CACNA2D4: variants seen among roughly 807,000 people sequenced by gnomAD.
CACNA2D4 encodes calcium voltage-gated channel auxiliary subunit alpha2delta 4, also known as voltage-dependent calcium channel subunit alpha-2/delta-4.
In CACNA2D4, 157 loss-of-function variants were observed where a neutral mutation model predicts 163.8. That is an observed-to-expected ratio of 0.96 (90% confidence interval 0.84 to 1.09). The LOEUF (loss-of-function observed/expected upper bound fraction) is 1.09. CACNA2D4 is among the 50% of genes least tolerant of loss of function. The probability of loss-of-function intolerance (pLI) is 0.00; values close to 1 mark genes in which losing one functional copy is unlikely to be tolerated. For missense variants in CACNA2D4, 1,410 were observed against 1,479.9 expected (o/e 0.95, Z 0.78); for synonymous variants, 598 against 586.9 (o/e 1.02, Z -0.27).
rs778134365 is a variant in CACNA2D4, at chr12:1,874,723, G to A, written c.1807-48C>T. 7.3e-7 allele frequency: 1 copy of A among 1,361,168 alleles called. No individual in the cohort carries two copies. The highest frequency in any genetic ancestry group is 1.1e-6 in the Non-Finnish European group (1 of 950,538). The allele number at this position is 1,361,168 out of a possible 1,614,324, so 84.3% of individuals were successfully genotyped here. A position where few individuals can be genotyped will look rare whatever the true frequency, so the allele number is the denominator to read the frequency against. Reference sequence around the variant, plus strand: ...ATTAGTTCCTTGGCTCACAGGGGATGGTGAAAGTATGGCATTCTTCAGACC... The same window carrying A: ...ATTAGTTCCTTGGCTCACAGGGGATAGTGAAAGTATGGCATTCTTCAGACC... On this transcript the variant is annotated intron_variant, in intron 17 of 37. Coordinates refer to ENST00000382722, the MANE Select transcript of CACNA2D4 (RefSeq NM_172364.5). This position sits in a 1 kb window ranked among gnomAD's most constrained non-coding sequence, Gnocchi z 4.4.
chr12:1,900,660 G>A (rs1208515580), intron 6 of CACNA2D4, among the ~76,000 whole-genome samples: 1 of 152,076 alleles, frequency 6.6e-6, no homozygotes, highest in Non-Finnish European at 1.5e-5. Flanking sequence ...TATAACAATT[G>A]TAAATATATA....
chr12:1,821,450 T>C (rs1336425843), intron 26 of CACNA2D4, among the ~76,000 whole-genome samples: 2 of 152,138 alleles, frequency 1.3e-5, no homozygotes, highest in Non-Finnish European at 2.9e-5. Context: ...AGGGTGAGGC[T>C]GGGAGTGGGC....
At chr12:1,884,690 TC>T in intron 11 of CACNA2D4, 77 bp downstream of exon 11, 1 of 936,052 alleles carries the variant, frequency 1.1e-6, no homozygotes. Flanking sequence ...GGGCCATCCT[TC>T]TAGGGTCCCT....
intron 29 of CACNA2D4, among the ~76,000 whole-genome samples, chr12:1,809,943 C>T (rs553960824): frequency 1.2e-3 from 180 of 152,232 alleles, no homozygotes; most frequent in African/African-American, 4.2e-3. Flanking sequence ...GGGGAGGCCC[C>T]GAGTGAGGCT....
chr12:1,846,568 C>T (rs1170014879), intron 24 of CACNA2D4, 26 bp downstream of exon 24: 1 of 1,554,244 alleles, frequency 6.4e-7, no homozygotes, highest in South Asian at 1.2e-5. Flanking sequence ...AGGGATTGCC[C>T]TCCCGAGGTG....
intron 6 of CACNA2D4, among the ~76,000 whole-genome samples, chr12:1,900,606 G>GTCC (rs752796531): frequency 1.3e-5 from 2 of 152,130 alleles, no homozygotes; most frequent in Non-Finnish European, 2.9e-5. Context: ...TCCATTCCTT[G>GTCC]AATGTCATTA....
chr12:1,871,921 C>A (rs1865796879), intron 18 of CACNA2D4, among the ~76,000 whole-genome samples: 1 of 152,216 alleles, frequency 6.6e-6, no homozygotes, highest in African/African-American at 2.4e-5. Flanking sequence ...GACAGAACGA[C>A]TCCTAGGTTA....
At chr12:1,888,425 A>C (rs1054328236) in intron 6 of CACNA2D4, among the ~76,000 whole-genome samples, 2 of 152,210 alleles carry the variant, frequency 1.3e-5, no homozygotes, top group African/African-American at 4.8e-5. Context: ...CATAAGGAGC[A>C]GACCCCTATT....
At chr12:1,863,762 A>G (rs1865575894) in intron 18 of CACNA2D4, among the ~76,000 whole-genome samples, 1 of 152,184 alleles carries the variant, frequency 6.6e-6, no homozygotes, top group South Asian at 2.1e-4. Context: ...CAGGCAATGC[A>G]TTATGTGAGC....
rs752639118 is a variant in CACNA2D4 at position 1,882,908 on chromosome 12, C to G, written c.1444G>C (p.Asp482His). 2 of 1,613,710 alleles carry G rather than the reference C, an allele frequency of 1.2e-6. No homozygotes were observed. Among genetic ancestry groups the G allele is most frequent in the Non-Finnish European group, 1.7e-6 (2 of 1,179,844 alleles). ...VLSRPMVINHDHDIIWTEAYM... is the reference protein window; with the variant it reads ...VLSRPMVINHHHDIIWTEAYM... ...GCCTCTGTCCAGATGATGTCGTGGT[C>G]GTGGTTGATGACCATGGGGCGGCTG... Residue 482 changes from aspartate to histidine, a missense_variant, in exon 13 of 38, where the codon GAC becomes CAC. By Grantham distance (81) the Asp-to-His change is moderately conservative. Transcript: ENST00000382722.
At position 1,884,277 on chromosome 12, in the gene CACNA2D4, A is replaced by G; in HGVS notation, c.1317T>C (p.Ala439=). Reference sequence around the variant, plus strand: ...TGCATGCAATCCACTTCATGCGGTCAGCAAAAGACACTTCTCTCCCAATGA... The same window carrying G: ...TGCATGCAATCCACTTCATGCGGTCGGCAAAAGACACTTCTCTCCCAATGA... The part of the protein sequence containing the change: ...TYLIGREVSF[A]DRMKWIACNN... The change falls in exon 12 of 38, where the codon GCT becomes GCC. Residue 439 remains alanine (A), a synonymous_variant. Transcript: ENST00000382722. 6.2e-7 allele frequency: 1 copy of G among 1,612,668 alleles called. No homozygotes were observed. The highest frequency in any genetic ancestry group is 8.5e-7 in the Non-Finnish European group (1 of 1,179,526).
chr12:1,881,822 T>C (rs1866007374), intron 13 of CACNA2D4, among the ~76,000 whole-genome samples: 1 of 152,222 alleles, frequency 6.6e-6, no homozygotes, highest in Admixed American at 6.5e-5. Flanking sequence ...TTAAAGTAGA[T>C]TAATGAGCTT....
At chr12:1,912,948 C>T (rs1411585344) in intron 3 of CACNA2D4, 75 bp downstream of exon 3, 6 of 870,750 alleles carry the variant, frequency 6.9e-6, no homozygotes, top group Non-Finnish European at 1.1e-5. Context: ...AGGGCCATGA[C>T]ATCGGGAGGG....
chr12:1,845,371 C>T (rs1183772013), intron 24 of CACNA2D4, among the ~76,000 whole-genome samples: 2 of 145,256 alleles, frequency 1.4e-5, no homozygotes, highest in Admixed American at 1.4e-4. Flanking sequence ...CCTTCTCCAC[C>T]TCCGCAGGGA....
chr12:1,884,924 A>AC, intron 10 of CACNA2D4, 43 bp from the exon 11 acceptor site: 1 of 1,596,522 alleles, frequency 6.3e-7, no homozygotes, highest in Non-Finnish European at 8.6e-7. Flanking sequence ...GGCCAAGCCC[A>AC]CCCCCCTCCA....
At position 1,833,557 on chromosome 12, in the gene CACNA2D4, A is replaced by G. The variant is rs552731510; in HGVS notation, c.2551+7182T>C. 2.0e-4 allele frequency among the ~76,000 whole-genome samples: 30 copies of G among 152,274 alleles called. No homozygotes were observed. The highest frequency in any genetic ancestry group is 7.0e-4 in the African/African-American group (29 of 41,560). On this transcript the variant is annotated intron_variant, in intron 26 of 37. Transcript: ENST00000382722. The surrounding 1 kb of genome is among the most constrained non-coding windows in gnomAD (Gnocchi z 4.2). ...CCTCTCCTTGGCCTCGTGTGCCTCC[A>G]GGATTCCCCCTCCAGATGCCTTTGT...
At chr12:1,880,287 A>C (rs979980779) in intron 13 of CACNA2D4, among the ~76,000 whole-genome samples, 3 of 152,232 alleles carry the variant, frequency 2.0e-5, no homozygotes, top group African/African-American at 4.8e-5. Context: ...TCTGATATGG[A>C]CTTAAGGTTG....
chr12:1,906,311 A>G (rs1490449716), intron 6 of CACNA2D4, among the ~76,000 whole-genome samples: 1 of 152,204 alleles, frequency 6.6e-6, no homozygotes, highest in African/African-American at 2.4e-5. Context: ...AGATAAAATA[A>G]CCAAATTGGA....
intron 6 of CACNA2D4, among the ~76,000 whole-genome samples, chr12:1,899,127 T>A (rs926169470): frequency 2.3e-4 from 35 of 152,018 alleles, no homozygotes; most frequent in African/African-American, 8.2e-4. Context: ...AAATAAAATT[T>A]AAAAAACCTC....
Sources: allele counts gnomAD v4.1 joint callset (sites outside exome capture counted in the v4.1 genomes callset), GRCh38; gene constraint gnomAD v4.1.1; non-coding constraint Gnocchi (gnomAD v3.1); transcripts MANE v1.5; gene names NCBI Gene and HGNC (gene_info 2026-07-23, HGNC 2026-07-21).